NLRX1: variants seen among roughly 807,000 people sequenced by gnomAD.
NLRX1 encodes the protein NOD-like receptor X1.
NLRX1 carries 67 observed loss-of-function variants against 74.2 expected under a neutral mutation model. The ratio of observed to expected loss-of-function variants is 0.90; its 90% CI spans 0.74 to 1.11. The LOEUF is 1.11. Among genes scored for constraint, NLRX1 ranks in the 50% least tolerant of loss-of-function variants. NLRX1 has a pLI of 0.00. For synonymous variants in NLRX1, 506 were observed against 559.1 expected (o/e 0.91, Z 1.34); for missense variants, 1,191 against 1,305.4 (o/e 0.91, Z 1.35).
intron 2 of NLRX1, among the ~76,000 whole-genome samples, chr11:119,172,144 T>C (rs891143865): frequency 5.3e-5 from 8 of 152,128 alleles, no homozygotes; most frequent in Admixed American, 2.6e-4. Flanking sequence ...GACAAAAAAA[T>C]TTTAAAACAC....
chr11:119,174,166 T>G, intron 5 of NLRX1, 68 bp downstream of exon 5: 1 of 1,558,704 alleles, frequency 6.4e-7, no homozygotes, highest in Admixed American at 1.8e-5. Flanking sequence ...CTGGGTTACT[T>G]TAACTCCTGG....
chr11:119,173,699 T>G lies in NLRX1; in HGVS notation c.450T>G (p.Phe150Leu). The G allele has an allele frequency of 1.2e-6, 2 of 1,614,038 alleles. No homozygotes were observed. Among genetic ancestry groups the G allele is most frequent in the Admixed American group, 1.7e-5 (1 of 60,028 alleles). Reference sequence around the variant, plus strand: ...CCCCACTGGCCTTGTCTCAGCTCTTTAACCCGGATGCCTGTGGGCGCCGGG... The same window carrying G: ...CCCCACTGGCCTTGTCTCAGCTCTTGAACCCGGATGCCTGTGGGCGCCGGG... ...GLPPLALSQL[F>L]NPDACGRRVQ... The change falls in exon 5 of 10, where the codon TTT (phenylalanine) becomes TTG (leucine). Residue 150 changes from phenylalanine (F) to leucine (L), a missense_variant. Phe to Leu is a conservative substitution (Grantham distance 22, BLOSUM62 0). Coordinates refer to ENST00000409109, the MANE Select transcript of NLRX1 (RefSeq NM_001282144.2). The surrounding 1 kb of genome is among the most constrained non-coding windows in gnomAD (Gnocchi z 4.0).
intron 1 of NLRX1, among the ~76,000 whole-genome samples, chr11:119,170,231 T>A (rs1948508793): frequency 6.6e-6 from 1 of 151,860 alleles, no homozygotes; most frequent in African/African-American, 2.4e-5. Context: ...AGGTGCTTGG[T>A]GCTTGGGGTG....
At position 119,174,698 on chromosome 11, in the gene NLRX1, C is replaced by T. The variant is rs553912379; in HGVS notation, c.1095C>T (p.Ala365=). The change falls in exon 6 of 10, where the codon GCC becomes GCT. Residue 365 remains alanine (A), a synonymous_variant. Coordinates refer to ENST00000409109, the MANE Select transcript of NLRX1 (RefSeq NM_001282144.2). The part of the protein sequence containing the change: ...SRNLEGHHQI[A]AACFLPSYCW... ...ACCTGGAGGGGCACCACCAGATAGC[C>T]GCTGCCTGCTTCCTGCCGTCCTATT... 28 of 1,613,950 alleles carry T rather than the reference C, an allele frequency of 1.7e-5. 1 individual carries two copies. In the South Asian group the frequency reaches 2.0e-4, roughly 11 times the overall value.
intron 8 of NLRX1, 34 bp downstream of exon 8, chr11:119,181,291 C>A: frequency 1.3e-6 from 2 of 1,540,714 alleles, no homozygotes; most frequent in South Asian, 1.1e-5. Context: ...TCCTGGTGGC[C>A]AGCTAAGGTC....
intron 1 of NLRX1, 30 bp downstream of exon 1, chr11:119,169,332 C>G (rs1469703203): frequency 2.6e-5 from 4 of 152,718 alleles, no homozygotes; most frequent in Non-Finnish European, 5.8e-5. Flanking sequence ...CCCTCCTTTT[C>G]TCATTGCCCT....
chr11:119,174,899 G>C lies in NLRX1; in HGVS notation c.1296G>C (p.Leu432Phe). The change falls in exon 6 of 10, where the codon TTG (leucine) becomes TTC (phenylalanine). Residue 432 changes from leucine (L) to phenylalanine (F), a missense_variant. Transcript: ENST00000409109. ...MAYAARTMGK[L>F]AYEGVSSRKT... ...ATGCAGCCCGAACCATGGGCAAGTTGGCCTATGAGGGGGTGTCCTCCCGCA... is the reference window on the plus strand; with the variant it reads ...ATGCAGCCCGAACCATGGGCAAGTTCGCCTATGAGGGGGTGTCCTCCCGCA... The C allele has an allele frequency of 2.5e-6, 4 of 1,614,066 alleles. No homozygotes were observed. The highest frequency in any genetic ancestry group is 3.4e-6 in the Non-Finnish European group (4 of 1,180,046).
At position 119,171,372 on chromosome 11, in the gene NLRX1, A is replaced by G; in HGVS notation, c.-32A>G. 1 of 1,612,416 alleles carries G rather than the reference A, an allele frequency of 6.2e-7. No individual in the cohort carries two copies. Among genetic ancestry groups the G allele is most frequent in the East Asian group, 2.2e-5 (1 of 44,848 alleles). On this transcript the variant is annotated 5_prime_UTR_variant, in exon 2 of 10. Transcript: ENST00000409109. ...TTCTTGCAGGACAGAAGTCGGTCCT[A>G]GGCCCCCCAGGCTCTGACCTTCTTT...
Position 119,171,443 on chromosome 11 carries a change from T to C in NLRX1, c.40T>C (p.Ser14Pro), listed in dbSNP as rs11828801. The change falls in exon 2 of 10, where the codon TCT (serine) becomes CCT (proline). Residue 14 changes from serine to proline, a missense_variant. Coordinates refer to ENST00000409109, the MANE Select transcript of NLRX1 (RefSeq NM_001282144.2). Reference sequence around the variant, plus strand: ...CCATTTGCCCAGGGCCTCTTGGGGCTCTGGTTTTAGAAGAGCACTCCAGCG... The same window carrying C: ...CCATTTGCCCAGGGCCTCTTGGGGCCCTGGTTTTAGAAGAGCACTCCAGCG... The part of the protein sequence containing the change: ...GHHLPRASWG[S>P]GFRRALQRPD... 3,754 of 1,613,814 alleles carry C rather than the reference T, an allele frequency of 2.3e-3. 78 individuals are homozygous for C. The African/African-American group carries it at 0.043, about 18-fold the overall frequency.
intron 6 of NLRX1, among the ~76,000 whole-genome samples, chr11:119,176,545 A>G (rs1021654264): frequency 2.1e-4 from 32 of 151,392 alleles, no homozygotes; most frequent in East Asian, 1.2e-3. Context: ...TGGTTAACCA[A>G]GTGTGGTGCC....
At chr11:119,171,506 T>G (rs775645415) in intron 2 of NLRX1, 33 bp downstream of exon 2, 2 of 1,528,696 alleles carry the variant, frequency 1.3e-6, no homozygotes, top group Non-Finnish European at 9.1e-7. Context: ...TGTTTTTACC[T>G]CTTTCTTGCT....
chr11:119,179,815 C>T lies in NLRX1; in HGVS notation c.1794C>T (p.Gly598=), dbSNP rs75430785. ...YYNDDVLDQM[G]ASILGVEGPR... ...ACGATGATGTTCTGGACCAGATGGG[C>T]GCCAGTATCCTGGGCGTGGAGGGCC... is the stretch of plus-strand genomic sequence containing the variant. Residue 598 remains glycine, a synonymous_variant, in exon 7 of 10, where the codon GGC becomes GGT. Transcript: ENST00000409109. 3.2e-3 allele frequency: 5,171 copies of T among 1,614,182 alleles called. 102 individuals are homozygous for T. In the African/African-American group the frequency reaches 0.043, roughly 13 times the overall value.
chr11:119,182,311 G>A lies in NLRX1; in HGVS notation c.2572G>A (p.Ala858Thr), dbSNP rs2135195890. 6.2e-7 allele frequency: 1 copy of A among 1,613,262 alleles called. No homozygotes were observed. The highest frequency in any genetic ancestry group is 8.5e-7 in the Non-Finnish European group (1 of 1,179,972). Residue 858 changes from alanine (A) to threonine (T), a missense_variant, in exon 9 of 10, where the codon GCT (alanine) becomes ACT (threonine). Transcript: ENST00000409109. Reference sequence around the variant, plus strand: ...CACAGCGGCCCTGGCCCTGGCCAGAGCTGCCCGGGAGCACCCTTCCCTGGA... The same window carrying A: ...CACAGCGGCCCTGGCCCTGGCCAGAACTGCCCGGGAGCACCCTTCCCTGGA... ...GDTAALALAR[A>T]AREHPSLELL...
intron 1 of NLRX1, among the ~76,000 whole-genome samples, chr11:119,170,775 G>T (rs757265791): frequency 2.0e-4 from 30 of 152,126 alleles, no homozygotes; most frequent in Non-Finnish European, 4.0e-4. Flanking sequence ...GAAGGAAAAA[G>T]GACACCTAAA....
At position 119,174,789 on chromosome 11, in the gene NLRX1, A is replaced by G; in HGVS notation, c.1186A>G (p.Ser396Gly). ...CACGCCTGCTGGGCAGACCCTTACA[A>G]GCATCTATACCAGCTTCCTGCGCCT... ...APTPAGQTLT[S>G]IYTSFLRLNF... The change falls in exon 6 of 10, where the codon AGC becomes GGC. Residue 396 changes from serine to glycine, a missense_variant. Physicochemically the swap from Ser to Gly is moderately conservative, Grantham distance 56 (BLOSUM62 0). Coordinates refer to ENST00000409109, the MANE Select transcript of NLRX1 (RefSeq NM_001282144.2). 6.2e-7 allele frequency: 1 copy of G among 1,613,864 alleles called. No individual in the cohort carries two copies. Among genetic ancestry groups the G allele is most frequent in the Non-Finnish European group, 8.5e-7 (1 of 1,180,032 alleles).
At position 119,174,464 on chromosome 11, in the gene NLRX1, G is replaced by A; in HGVS notation, c.861G>A (p.Leu287=). ...RKYMLPQASI[L]VTTRPSAIGR... ...CATGCTCTTCCCAGGCCAGCATTCTGGTGACCACTCGGCCCTCTGCCATTG... is the reference window on the plus strand; with the variant it reads ...CATGCTCTTCCCAGGCCAGCATTCTAGTGACCACTCGGCCCTCTGCCATTG... The change falls in exon 6 of 10, where the codon CTG becomes CTA. Residue 287 remains leucine, a synonymous_variant. Transcript: ENST00000409109. 2 of 1,613,418 alleles carry A rather than the reference G, an allele frequency of 1.2e-6. No individual in the cohort carries two copies. The highest frequency in any genetic ancestry group is 1.7e-6 in the Non-Finnish European group (2 of 1,179,462).
In NLRX1 at chr11:119,171,365, C is replaced by T. The variant is rs767778383; in HGVS notation, c.-39C>T. On this transcript the variant is annotated 5_prime_UTR_variant, in exon 2 of 10. Coordinates refer to ENST00000409109, the MANE Select transcript of NLRX1 (RefSeq NM_001282144.2). Reference sequence around the variant, plus strand: ...ACTATTCTTCTTGCAGGACAGAAGTCGGTCCTAGGCCCCCCAGGCTCTGAC... The same window carrying T: ...ACTATTCTTCTTGCAGGACAGAAGTTGGTCCTAGGCCCCCCAGGCTCTGAC... 1.7e-5 allele frequency: 28 copies of T among 1,610,210 alleles called. No individual in the cohort carries two copies. The highest frequency in any genetic ancestry group is 2.2e-5 in the South Asian group (2 of 90,784).
chr11:119,182,489 A>G (rs1324165091), intron 9 of NLRX1, 144 bp downstream of exon 9: 4 of 1,238,676 alleles, frequency 3.2e-6, no homozygotes, highest in Non-Finnish European at 3.3e-6. Context: ...ATCCTTGTCA[A>G]CCTAGCTCTG....
chr11:119,181,770 G>T (rs1451693967), intron 8 of NLRX1, among the ~76,000 whole-genome samples: 6 of 152,078 alleles, frequency 3.9e-5, no homozygotes, highest in Non-Finnish European at 8.8e-5. Context: ...GGCTGTGGAG[G>T]GGGTGAAAAA....
Sources: allele counts gnomAD v4.1 joint callset (sites outside exome capture counted in the v4.1 genomes callset), GRCh38; gene constraint gnomAD v4.1.1; non-coding constraint Gnocchi (gnomAD v3.1); transcripts MANE v1.5; gene names NCBI Gene and HGNC (gene_info 2026-07-23, HGNC 2026-07-21).